The following PPM1L variants were observed in gnomAD, a reference collection of about 807,000 sequenced individuals.
PPM1L encodes protein phosphatase, Mg2+/Mn2+ dependent 1L, also known as protein phosphatase 1L.
PPM1L carries 13 observed loss-of-function variants against 31.4 expected under a neutral mutation model. The observed-to-expected ratio is 0.41, with a 90% CI of 0.27 to 0.66. The LOEUF (loss-of-function observed/expected upper bound fraction) is 0.66. Ranked by LOEUF, PPM1L falls within the 30% of genes least tolerant of loss-of-function variation. The pLI is 0.29. For synonymous variants in PPM1L, 184 were observed against 175.4 expected (o/e 1.05, Z -0.39); for missense variants, 326 against 453.7 (o/e 0.72, Z 2.56).
chr3:160,820,590 A>G (rs1342973639), intron 1 of PPM1L, among the ~76,000 whole-genome samples: 1 of 152,060 alleles, frequency 6.6e-6, no homozygotes, highest in Non-Finnish European at 1.5e-5. Flanking sequence ...TGTTGCGCTA[A>G]GATAGATATT....
At chr3:160,944,985 TATAACA>T in intron 1 of PPM1L, among the ~76,000 whole-genome samples, 1 of 39,502 alleles carries the variant, frequency 2.5e-5, no homozygotes, top group African/African-American at 6.4e-5. Context: ...TATAACTATA[TATAACA>T]TATATATAAC....
intron 1 of PPM1L, among the ~76,000 whole-genome samples, chr3:160,759,957 A>G (rs1366063238): frequency 1.3e-5 from 2 of 152,156 alleles, no homozygotes; most frequent in Admixed American, 6.5e-5. Flanking sequence ...AGAAGTACCT[A>G]AAGGAGAGAA....
chr3:160,850,196 GT>G (rs1714223252), intron 1 of PPM1L, among the ~76,000 whole-genome samples: 1 of 152,126 alleles, frequency 6.6e-6, no homozygotes, highest in South Asian at 2.1e-4. Flanking sequence ...CTTTACTTAT[GT>G]TTACCTGTTT....
At chr3:161,068,036 C>T (rs1359160911) in intron 3 of PPM1L, among the ~76,000 whole-genome samples, 1 of 152,122 alleles carries the variant, frequency 6.6e-6, no homozygotes, top group Non-Finnish European at 1.5e-5. Context: ...CTGCACATTG[C>T]CTTCCATGGA....
intron 1 of PPM1L, among the ~76,000 whole-genome samples, chr3:160,931,408 C>A (rs2108079452): frequency 6.6e-6 from 1 of 152,356 alleles, no homozygotes; most frequent in South Asian, 2.1e-4. Flanking sequence ...CCATTTAGTT[C>A]ATTCAGCAAT....
At chr3:161,030,255 G>T (rs1225007757) in intron 2 of PPM1L, among the ~76,000 whole-genome samples, 2 of 152,182 alleles carry the variant, frequency 1.3e-5, no homozygotes, top group African/African-American at 4.8e-5. Flanking sequence ...GTTGAAAGGA[G>T]TGCCCTCGTG....
chr3:160,775,480 G>A (rs112404667), intron 1 of PPM1L, among the ~76,000 whole-genome samples: 2,532 of 152,294 alleles, frequency 0.017, 68 homozygotes, highest in African/African-American at 0.057. Flanking sequence ...AGCTCCTGCA[G>A]TGTAAGGTCT....
At chr3:160,958,455 T>C (rs2108105233) in intron 1 of PPM1L, among the ~76,000 whole-genome samples, 1 of 152,348 alleles carries the variant, frequency 6.6e-6, no homozygotes, top group South Asian at 2.1e-4. Context: ...ATGGAACTAT[T>C]TCCTGTACCT....
chr3:160,785,615 G>A (rs978338478), intron 1 of PPM1L, among the ~76,000 whole-genome samples: 8 of 152,118 alleles, frequency 5.3e-5, no homozygotes, highest in African/African-American at 1.9e-4. Flanking sequence ...ATAAATAGAA[G>A]CATGTTATGT....
chr3:161,045,594 C>G (rs1719035356), intron 2 of PPM1L, among the ~76,000 whole-genome samples: 1 of 152,218 alleles, frequency 6.6e-6, no homozygotes, highest in East Asian at 1.9e-4. Flanking sequence ...ACACAACATA[C>G]CAGAATCTCT....
intron 1 of PPM1L, among the ~76,000 whole-genome samples, chr3:160,797,844 G>T (rs1712304974): frequency 6.6e-6 from 1 of 152,168 alleles, no homozygotes; most frequent in Non-Finnish European, 1.5e-5. Context: ...AGCAGAGATT[G>T]GTTCATGAGT....
At chr3:160,824,294 TCC>T (rs1327865697) in intron 1 of PPM1L, among the ~76,000 whole-genome samples, 1 of 152,074 alleles carries the variant, frequency 6.6e-6, no homozygotes, top group Non-Finnish European at 1.5e-5. Context: ...CCATATTGGC[TCC>T]CCAGATCTTG....
At chr3:160,797,050 C>G (rs1712269342) in intron 1 of PPM1L, among the ~76,000 whole-genome samples, 1 of 152,156 alleles carries the variant, frequency 6.6e-6, no homozygotes. Flanking sequence ...TTCACAGATG[C>G]TGCAGGGTTT....
intron 1 of PPM1L, among the ~76,000 whole-genome samples, chr3:160,848,739 C>A (rs1714160192): frequency 6.6e-6 from 1 of 152,156 alleles, no homozygotes; most frequent in African/African-American, 2.4e-5. Flanking sequence ...CCAGAATAGT[C>A]CAAAGCTTCA....
At chr3:160,829,129 A>G (rs1038675005) in intron 1 of PPM1L, among the ~76,000 whole-genome samples, 7 of 151,712 alleles carry the variant, frequency 4.6e-5, no homozygotes, top group Admixed American at 4.6e-4. Flanking sequence ...CGTGCCCTGT[A>G]CTTGCTGCTT....
chr3:160,832,906 T>C (rs911245112), intron 1 of PPM1L, among the ~76,000 whole-genome samples: 11 of 152,168 alleles, frequency 7.2e-5, no homozygotes, highest in African/African-American at 1.9e-4. Flanking sequence ...TTTTTCCTAA[T>C]GCTCTCCCTC....
At chr3:160,868,016 A>G (rs1391931740) in intron 1 of PPM1L, among the ~76,000 whole-genome samples, 1 of 152,232 alleles carries the variant, frequency 6.6e-6, no homozygotes, top group Non-Finnish European at 1.5e-5. Context: ...GTCTGCAAAA[A>G]GGTGATGAAG....
intron 2 of PPM1L, among the ~76,000 whole-genome samples, chr3:161,018,443 C>T (rs894436884): frequency 1.3e-5 from 2 of 152,086 alleles, no homozygotes; most frequent in Non-Finnish European, 2.9e-5. Context: ...GATATTTTTA[C>T]AAATGGAATT....
rs138064354 is a variant in PPM1L, at chr3:160,949,543, T to C, written c.400-12193T>C. Among the ~76,000 whole-genome samples the C allele has an allele frequency of 1.6e-4, 24 of 152,174 alleles. No homozygotes were observed. The East Asian group carries it at 3.5e-3, about 22-fold the overall frequency. On this transcript the variant is annotated intron_variant, in intron 1 of 3. Coordinates refer to ENST00000498165, the MANE Select transcript of PPM1L (RefSeq NM_139245.4). ...ATGTCAGAGTGATAGGAAGAAACAT[T>C]GTGGGCACGGTCCCTTTTATCTTTC...
Sources: gnomAD v4.1 joint callset for allele counts (sites outside exome capture counted in the v4.1 genomes callset) on GRCh38, gnomAD v4.1.1 for gene constraint, MANE v1.5 for transcripts, NCBI Gene and HGNC (gene_info 2026-07-23, HGNC 2026-07-21) for gene names.